CUX2: variants seen among roughly 807,000 people sequenced by gnomAD.
CUX2 encodes the protein cut like homeobox 2, also known as homeobox protein cut-like 2.
Under a neutral mutation model 144.8 loss-of-function variants are expected in CUX2, and 40 were observed. The observed-to-expected ratio is 0.28, with a 90% CI of 0.21 to 0.36. The LOEUF is 0.36. CUX2 is among the 10% of genes least tolerant of loss of function. The probability of loss-of-function intolerance (pLI) is 1.00; values close to 1 mark genes in which losing one functional copy is unlikely to be tolerated. For synonymous variants in CUX2, 827 were observed against 875.6 expected (o/e 0.94, Z 0.98); for missense variants, 1,615 against 1,994.0 (o/e 0.81, Z 3.62).
At chr12:111,294,976 T>C (rs772882806) in intron 6 of CUX2, among the ~76,000 whole-genome samples, 2 of 152,142 alleles carry the variant, frequency 1.3e-5, no homozygotes, top group African/African-American at 4.8e-5. Context: ...TGCAGAACTA[T>C]TGGGGGCTGA....
chr12:111,141,894 G>A (rs569858216), intron 1 of CUX2, among the ~76,000 whole-genome samples: 3 of 152,334 alleles, frequency 2.0e-5, no homozygotes, highest in East Asian at 3.9e-4. Flanking sequence ...AGACCAGCCT[G>A]GCCAACATGC....
intron 1 of CUX2, among the ~76,000 whole-genome samples, chr12:111,119,953 G>A (rs1394163844): frequency 6.6e-6 from 1 of 152,222 alleles, no homozygotes; most frequent in African/African-American, 2.4e-5. Flanking sequence ...AGCTACTCAG[G>A]AGGCTGAGGC....
intron 3 of CUX2, among the ~76,000 whole-genome samples, chr12:111,251,511 A>G (rs1462302528): frequency 3.3e-5 from 5 of 152,104 alleles, no homozygotes; most frequent in Admixed American, 1.3e-4. Flanking sequence ...CTTGTGGGAC[A>G]TTTCATTTTT....
chr12:111,291,029 A>AT (rs1287893585), intron 4 of CUX2, among the ~76,000 whole-genome samples: 1 of 150,926 alleles, frequency 6.6e-6, no homozygotes, highest in Non-Finnish European at 1.5e-5. Context: ...CACCCGGCTA[A>AT]TTTTTTTGTA....
chr12:111,102,414 A>C lies in CUX2; in HGVS notation c.63+68174A>C, dbSNP rs140177606. ...TTGTGCACTTGTCCAAAGCCGACTG[A>C]CATCTGAGCATTGGTGGCAGACAAC... On this transcript the variant is annotated intron_variant, in intron 1 of 21. Coordinates refer to ENST00000261726, the MANE Select transcript of CUX2 (RefSeq NM_015267.4). Among the ~76,000 whole-genome samples the C allele has an allele frequency of 4.9e-4, 74 of 152,290 alleles. 1 individual carries two copies. Among genetic ancestry groups the C allele is most frequent in the African/African-American group, 1.7e-3 (69 of 41,560 alleles).
intron 4 of CUX2, among the ~76,000 whole-genome samples, chr12:111,270,836 C>G (rs1476671993): frequency 6.6e-6 from 1 of 152,042 alleles, no homozygotes; most frequent in Non-Finnish European, 1.5e-5. Context: ...GGAGGCTGAT[C>G]AGGAAGGTGC....
At chr12:111,249,453 T>TG (rs1390085621) in intron 3 of CUX2, among the ~76,000 whole-genome samples, 7 of 144,700 alleles carry the variant, frequency 4.8e-5, no homozygotes, top group East Asian at 2.0e-4. Context: ...TTGTTTTTTT[T>TG]TTTTTTTTTT....
At chr12:111,074,578 GC>G (rs1871419308) in intron 1 of CUX2, among the ~76,000 whole-genome samples, 1 of 151,986 alleles carries the variant, frequency 6.6e-6, no homozygotes, top group African/African-American at 2.4e-5. Context: ...CTGAGGGGGT[GC>G]CCCTACCTTG....
At position 111,338,347 on chromosome 12, in the gene CUX2, G is replaced by A. The variant is rs368083044; in HGVS notation, c.3258G>A (p.Leu1086=). The A allele has an allele frequency of 9.3e-6, 15 of 1,613,976 alleles. No homozygotes were observed. The African/African-American group carries it at 2.0e-4, about 22-fold the overall frequency. ...GLTQGSVSDL[L]SRPKPWHKLS... ...CACAGGGCTCCGTGTCTGACCTGCT[G>A]TCCCGGCCCAAACCCTGGCACAAGC... is the stretch of plus-strand genomic sequence containing the variant. The change falls in exon 20 of 22, where the codon CTG becomes CTA. Residue 1086 remains leucine (L), a synonymous_variant. Transcript: ENST00000261726.
intron 16 of CUX2, among the ~76,000 whole-genome samples, chr12:111,314,655 A>C (rs1887089598): frequency 7.3e-6 from 1 of 136,970 alleles, no homozygotes; most frequent in East Asian, 2.7e-4. Flanking sequence ...AAAAAAAAAA[A>C]AAAAAAAAAA....
chr12:111,145,459 C>T (rs544024832), intron 1 of CUX2, among the ~76,000 whole-genome samples: 1 of 152,346 alleles, frequency 6.6e-6, no homozygotes, highest in East Asian at 1.9e-4. Flanking sequence ...GCCTCAAACT[C>T]TTGGGCTCAA....
At chr12:111,120,014 C>T (rs929871843) in intron 1 of CUX2, among the ~76,000 whole-genome samples, 4 of 152,032 alleles carry the variant, frequency 2.6e-5, no homozygotes, top group South Asian at 2.1e-4. Flanking sequence ...GTCAAGATCG[C>T]GGCACTGCAC....
chr12:111,062,553 G>T (rs1870828436), intron 1 of CUX2, among the ~76,000 whole-genome samples: 1 of 152,194 alleles, frequency 6.6e-6, no homozygotes, highest in Admixed American at 6.5e-5. Context: ...CCTGGGCCCA[G>T]GCCACGTGCC....
At chr12:111,242,788 G>A (rs990050640) in intron 3 of CUX2, among the ~76,000 whole-genome samples, 4 of 152,004 alleles carry the variant, frequency 2.6e-5, no homozygotes, top group East Asian at 1.9e-4. Flanking sequence ...CATTCCAGCC[G>A]GGGCAGCTGC....
At chr12:111,046,165 G>A (rs567335627) in intron 1 of CUX2, among the ~76,000 whole-genome samples, 40 of 152,358 alleles carry the variant, frequency 2.6e-4, no homozygotes, top group Non-Finnish European at 5.3e-4. Context: ...CAGCAGCCAG[G>A]TGCGCTGGCT....
Position 111,145,833 on chromosome 12 carries a change from TTTTG to T in CUX2, c.64-68347_64-68344del, listed in dbSNP as rs112832532. Among the ~76,000 whole-genome samples the T allele has an allele frequency of 5.6e-3, 850 of 151,764 alleles. 8 individuals carry two copies. Among genetic ancestry groups the T allele is most frequent in the African/African-American group, 0.018 (728 of 41,192 alleles). The stretch of plus-strand genomic sequence containing the variant: ...AGCCATGCGCCACCACACCCAGCTT[TTTTG>T]TTTGTTTGTTTGTTTGTTTTTGTTT... On this transcript the variant is annotated intron_variant, in intron 1 of 21. Transcript: ENST00000261726.
chr12:111,069,878 C>T (rs1043546144), intron 1 of CUX2, among the ~76,000 whole-genome samples: 2 of 152,078 alleles, frequency 1.3e-5, no homozygotes, highest in Non-Finnish European at 2.9e-5. Context: ...GGGAGTTCAG[C>T]TCCTAATAAA....
chr12:111,256,234 C>G (rs1039021560), intron 3 of CUX2, among the ~76,000 whole-genome samples: 1 of 152,132 alleles, frequency 6.6e-6, no homozygotes, highest in African/African-American at 2.4e-5. Flanking sequence ...CTGAGCCCCC[C>G]TCGTACTCTT....
chr12:111,197,800 G>C (rs1880332012), intron 1 of CUX2, among the ~76,000 whole-genome samples: 1 of 152,194 alleles, frequency 6.6e-6, no homozygotes, highest in Non-Finnish European at 1.5e-5. Flanking sequence ...CCATAGGAGA[G>C]GTTCACACAG....
Sources: gnomAD v4.1 joint callset for allele counts (sites outside exome capture counted in the v4.1 genomes callset) on GRCh38, gnomAD v4.1.1 for gene constraint, MANE v1.5 for transcripts, NCBI Gene and HGNC (gene_info 2026-07-23, HGNC 2026-07-21) for gene names.